LRRC56: variants seen among roughly 807,000 people sequenced by gnomAD.
LRRC56 encodes leucine rich repeat containing 56.
Under a neutral mutation model 47.8 loss-of-function variants are expected in LRRC56, and 41 were observed. The observed-to-expected ratio is 0.86, with a 90% CI of 0.67 to 1.11. The LOEUF (loss-of-function observed/expected upper bound fraction) is 1.11. Among genes scored for constraint, LRRC56 ranks in the 50% most tolerant of loss-of-function variants. LRRC56 has a pLI of 0.00. For synonymous variants in LRRC56, 387 were observed against 311.2 expected (o/e 1.24, Z -2.56); for missense variants, 759 against 704.2 (o/e 1.08, Z -0.88).
chr11:535,596 C>T (rs8176335), upstream of LRRC56: 14,459 of 151,030 alleles, frequency 0.096, 844 homozygotes, highest in South Asian at 0.19. Context: ...CCGCCCCGCG[C>T]CCGTCCGTCT....
At position 554,018 on chromosome 11, in the gene LRRC56, G is replaced by A. The variant is rs112033363; in HGVS notation, c.1371G>A (p.Arg457=). ...HLVPSPPKHP[R]PRDSGSSSPR... ...TCCCTTCACCTCCCAAGCACCCAAG[G>A]CCACGAGATTCTGGCAGCAGCTCCC... The change falls in exon 14 of 14, where the codon AGG becomes AGA. Residue 457 remains arginine (R), a synonymous_variant. Coordinates refer to ENST00000270115, the MANE Select transcript of LRRC56 (RefSeq NM_198075.4). The A allele has an allele frequency of 0.06, 96,475 of 1,612,086 alleles. 3,050 individuals carry two copies. The highest frequency in any genetic ancestry group is 0.07 in the Middle Eastern group (425 of 6,056).
At chr11:534,695 C>T, upstream of LRRC56, 1 of 335,424 alleles carries the variant, frequency 3.0e-6, no homozygotes, top group South Asian at 3.3e-5. Context: ...AGGGAGGCGC[C>T]CGAGGGCTGA....
In LRRC56 at chr11:550,079, A is replaced by G. The variant is rs752627628; in HGVS notation, c.431A>G (p.Tyr144Cys). ...IASLPALKEL[Y>C]ASYNNISDLS... is the part of the protein sequence containing the mutation. ...GAGCCCCGCGCTGCCCAGGAACTCT[A>G]CGCCTCCTACAACAACATCTCGGAC... The change falls in exon 8 of 14, where the codon TAC (tyrosine) becomes TGC (cysteine). Residue 144 changes from tyrosine to cysteine, a missense_variant. Transcript: ENST00000270115. 2 of 1,612,166 alleles carry G rather than the reference A, an allele frequency of 1.2e-6. No homozygotes were observed. The highest frequency in any genetic ancestry group is 1.7e-6 in the Non-Finnish European group (2 of 1,179,012).
intron 2 of LRRC56, 27 bp from the exon 3 acceptor site, chr11:539,553 T>TA (rs2134017434): frequency 1.5e-5 from 1 of 65,208 alleles, no homozygotes; most frequent in East Asian, 2.9e-4. Context: ...CCAGCTAATT[T>TA]TTTTTTTTTT....
At chr11:522,091 C>G in the LRRC56 span, among the ~76,000 whole-genome samples, 1 of 151,942 alleles carries the variant, frequency 6.6e-6, no homozygotes, top group Non-Finnish European at 1.5e-5. Context: ...TTAATCAATT[C>G]TTTTTTTGAA....
chr11:508,048 G>A, the LRRC56 span, among the ~76,000 whole-genome samples: 1 of 152,254 alleles, frequency 6.6e-6, no homozygotes, highest in African/African-American at 2.4e-5. Context: ...TTAAGTTTTT[G>A]ACTAGTCCGC....
chr11:553,964 G>C lies in LRRC56; in HGVS notation c.1317G>C (p.Glu439Asp), dbSNP rs771898293. 6.2e-7 allele frequency: 1 copy of C among 1,610,174 alleles called. No homozygotes were observed. The highest frequency in any genetic ancestry group is 2.2e-5 in the East Asian group (1 of 44,828). The change falls in exon 14 of 14, where the codon GAG (glutamate) becomes GAC (aspartate). Residue 439 changes from glutamate (E) to aspartate (D), a missense_variant and splice_region_variant. Physicochemically the swap from Glu to Asp is conservative, Grantham distance 45. Transcript: ENST00000270115. ...CCCATCACTCTGCTTGCTTTCTAGA[G>C]CCCTCCGGGACCTCGAGCCAGCACC... ...TPSSPPSLAS[E>D]PSGTSSQHLV...
the LRRC56 span, among the ~76,000 whole-genome samples, chr11:515,108 A>G: frequency 6.6e-6 from 1 of 152,120 alleles, no homozygotes; most frequent in African/African-American, 2.4e-5. Flanking sequence ...AGTTGGGGTC[A>G]TGTCCCAAGA....
chr11:548,344 G>A (rs1262194438), intron 6 of LRRC56, among the ~76,000 whole-genome samples: 2 of 151,764 alleles, frequency 1.3e-5, no homozygotes, highest in African/African-American at 4.8e-5. Flanking sequence ...GCAGTGGTGC[G>A]ACCATGGCTT....
the LRRC56 span, chr11:507,337 G>GGGGCGGGGCCCGGC: frequency 6.6e-6 from 1 of 151,868 alleles, no homozygotes; most frequent in East Asian, 2.0e-4. Flanking sequence ...TCTCGGGGTC[G>GGGGCGGGGCCCGGC]GGGCGGGGCC....
At chr11:542,209 C>T (rs905536216) in intron 5 of LRRC56, among the ~76,000 whole-genome samples, 11 of 151,388 alleles carry the variant, frequency 7.3e-5, no homozygotes, top group African/African-American at 1.2e-4. Flanking sequence ...CACACACCCA[C>T]GCCAGTACCC....
chr11:553,126 C>G (rs1457885708), intron 13 of LRRC56, among the ~76,000 whole-genome samples: 2 of 152,274 alleles, frequency 1.3e-5, no homozygotes, highest in East Asian at 3.9e-4. Flanking sequence ...ACTGGGAGAC[C>G]AAGGCAGGAG....
At chr11:531,765 C>T in the LRRC56 span, among the ~76,000 whole-genome samples, 1 of 152,252 alleles carries the variant, frequency 6.6e-6, no homozygotes, top group Non-Finnish European at 1.5e-5. Flanking sequence ...CTTCCAAGGT[C>T]CACAGACCGC....
chr11:521,051 G>T, the LRRC56 span, among the ~76,000 whole-genome samples: 1 of 152,328 alleles, frequency 6.6e-6, no homozygotes, highest in East Asian at 1.9e-4. Flanking sequence ...GCCACCGCCA[G>T]CGTACTCCGG....
chr11:542,572 C>A lies in LRRC56; in HGVS notation c.265+948C>A, dbSNP rs370308008. Among the ~76,000 whole-genome samples, 526 of 113,740 alleles carry A rather than the reference C, an allele frequency of 4.6e-3. 3 individuals are homozygous for A. Among genetic ancestry groups the A allele is most frequent in the African/African-American group, 0.015 (347 of 23,064 alleles). 74.6% of individuals were successfully genotyped at this position (113,740 alleles called of 152,430 possible). A position where few individuals can be genotyped will look rare whatever the true frequency, so the allele number is the denominator to read the frequency against. On this transcript the variant is annotated intron_variant, in intron 5 of 13. Coordinates refer to ENST00000270115, the MANE Select transcript of LRRC56 (RefSeq NM_198075.4). ...CTCCAGACTGGGCGACAGAGCAAAA[C>A]CCTGTCGCAAAAAAAAAAAAAAAAA...
intron 9 of LRRC56, 54 bp from the exon 10 acceptor site, chr11:551,596 TG>T: frequency 2.0e-6 from 3 of 1,511,776 alleles, no homozygotes; most frequent in Non-Finnish European, 2.7e-6. Context: ...GGACAGAGTC[TG>T]GGGGGCGCTC....
the LRRC56 span, chr11:532,279 G>C: frequency 2.2e-6 from 1 of 459,102 alleles, no homozygotes; most frequent in Non-Finnish European, 4.0e-6. Flanking sequence ...TCCCATCTGT[G>C]CCCGACAAGG....
chr11:520,949 T>G, the LRRC56 span, among the ~76,000 whole-genome samples: 1 of 152,232 alleles, frequency 6.6e-6, no homozygotes, highest in Non-Finnish European at 1.5e-5. Flanking sequence ...CCGCGTCGGT[T>G]ATTCATCTCA....
the LRRC56 span, among the ~76,000 whole-genome samples, chr11:525,733 G>A: frequency 0.24 from 36,231 of 151,444 alleles, 5,123 homozygotes; most frequent in African/African-American, 0.4. Flanking sequence ...TGGTCTGTAC[G>A]AAAAATTAAA....
Sources: gnomAD v4.1 joint callset for allele counts (sites outside exome capture counted in the v4.1 genomes callset) on GRCh38, gnomAD v4.1.1 for gene constraint, MANE v1.5 for transcripts, NCBI Gene and HGNC (gene_info 2026-07-23, HGNC 2026-07-21) for gene names.